CACNA1G: variants seen among roughly 807,000 people sequenced by gnomAD.
CACNA1G encodes the protein calcium voltage-gated channel subunit alpha1 G, also known as voltage-dependent T-type calcium channel subunit alpha-1G.
Under a neutral mutation model 219.4 loss-of-function variants are expected in CACNA1G, and 67 were observed. That is an observed-to-expected ratio of 0.31 (90% CI 0.25 to 0.37). The LOEUF is 0.37. CACNA1G is among the 10% of genes least tolerant of loss of function. CACNA1G has a pLI of 1.00. For missense variants in CACNA1G, 2,380 were observed against 3,231.4 expected, an observed-to-expected ratio of 0.74 and a Z score of 6.39; for synonymous variants, 1,296 against 1,345.3, an observed-to-expected ratio of 0.96 and a Z score of 0.80.
At position 50,621,880 on chromosome 17, in the gene CACNA1G, G is replaced by T; in HGVS notation, c.6060+86G>T. ...TCCAGATCGGCCCAGGGAGGGTCCT[G>T]GGGCCGCCTCCTCTCAGTTTGCTGC... On this transcript the variant is annotated intron_variant, in intron 35 of 37. Coordinates refer to ENST00000359106, the MANE Select transcript of CACNA1G (RefSeq NM_018896.5). The surrounding 1 kb of genome is among the most constrained non-coding windows in gnomAD (Gnocchi z 4.6). The T allele has an allele frequency of 2.1e-6, 3 of 1,454,734 alleles. No homozygotes were observed. The highest frequency in any genetic ancestry group is 2.8e-6 in the Non-Finnish European group (3 of 1,055,946). The allele number at this position is 1,454,734 out of a possible 1,614,324, so 90.1% of individuals were successfully genotyped here.
At chr17:50,580,718 T>C (rs2041771634) in intron 9 of CACNA1G, among the ~76,000 whole-genome samples, 1 of 152,152 alleles carries the variant, frequency 6.6e-6, no homozygotes. Context: ...CAGCAGTGTC[T>C]GCTCCAGGGA....
chr17:50,564,083 G>C (rs570310993), intron 1 of CACNA1G, among the ~76,000 whole-genome samples: 1 of 151,674 alleles, frequency 6.6e-6, no homozygotes, highest in African/African-American at 2.4e-5. Flanking sequence ...TCCTTTTTAA[G>C]GGACCAGGTT....
At chr17:50,575,179 G>A (rs198548) in intron 7 of CACNA1G, among the ~76,000 whole-genome samples, 6,877 of 152,282 alleles carry the variant, frequency 0.045, 244 homozygotes, top group Non-Finnish European at 0.062. Flanking sequence ...TGCGGAAGGG[G>A]TGCTGCGTCT....
intron 7 of CACNA1G, among the ~76,000 whole-genome samples, chr17:50,574,912 C>A (rs758359397): frequency 1.3e-5 from 2 of 152,040 alleles, no homozygotes; most frequent in African/African-American, 2.4e-5. Context: ...AAGGGTTCAG[C>A]CCCTCCCACA....
chr17:50,564,154 G>A (rs1218266140), intron 1 of CACNA1G, among the ~76,000 whole-genome samples: 24 of 151,658 alleles, frequency 1.6e-4, no homozygotes, highest in Admixed American at 1.6e-3. Flanking sequence ...GTGTGTGTGT[G>A]TGTGTGTGTT....
At chr17:50,619,961 T>TG in intron 34 of CACNA1G, 135 bp downstream of exon 34, 1 of 896,976 alleles carries the variant, frequency 1.1e-6, no homozygotes, top group Non-Finnish European at 1.6e-6. Flanking sequence ...GAGCCTCAGT[T>TG]GAGTGCAAGA....
chr17:50,562,666 G>T (rs1434634634), intron 1 of CACNA1G, among the ~76,000 whole-genome samples: 1 of 152,170 alleles, frequency 6.6e-6, no homozygotes, highest in Non-Finnish European at 1.5e-5. Context: ...GACCAGGTAT[G>T]GGGGACTGCA....
In CACNA1G at chr17:50,561,274, C is replaced by T. The variant is rs1418270754; in HGVS notation, c.-186C>T. 1 of 625,704 alleles carries T rather than the reference C, an allele frequency of 1.6e-6. No homozygotes were observed. The highest frequency in any genetic ancestry group is 2.2e-5 in the South Asian group (1 of 46,426). 38.8% of individuals were successfully genotyped at this position (625,704 alleles called of 1,614,324 possible). A position where few individuals can be genotyped will look rare whatever the true frequency, so the allele number is the denominator to read the frequency against. On this transcript the variant is annotated 5_prime_UTR_variant, in exon 1 of 38. Coordinates refer to ENST00000359106, the MANE Select transcript of CACNA1G (RefSeq NM_018896.5). ...CGGGGTTTCCCTGCGCCCCGGCGCC[C>T]CGCGGGCAGCATGCCCCTGCGGGCA...
intron 34 of CACNA1G, 43 bp downstream of exon 34, chr17:50,619,869 G>C (rs546604301): frequency 1.9e-6 from 3 of 1,553,354 alleles, no homozygotes; most frequent in Non-Finnish European, 2.6e-6. Context: ...TGACCGTGCT[G>C]GGCTGTGCCA....
At chr17:50,614,427 C>A (rs569776706) in intron 26 of CACNA1G, among the ~76,000 whole-genome samples, 2 of 152,206 alleles carry the variant, frequency 1.3e-5, no homozygotes, top group African/African-American at 4.8e-5. Context: ...AATCTGTCAA[C>A]TTCCTCCCAA....
At chr17:50,591,022 AGCAACTTGCTTTAGGG>A (rs1438422558) in intron 10 of CACNA1G, among the ~76,000 whole-genome samples, 2 of 152,130 alleles carry the variant, frequency 1.3e-5, no homozygotes, top group Admixed American at 6.5e-5. Context: ...CTCAGACACC[AGCAACTTGCTTTAGGG>A]TTTCCAAGAC....
chr17:50,580,237 G>A (rs2041654070), intron 9 of CACNA1G, among the ~76,000 whole-genome samples: 1 of 152,192 alleles, frequency 6.6e-6, no homozygotes, highest in South Asian at 2.1e-4. Flanking sequence ...CCCAGGGAGA[G>A]GTGCTCCACT....
At chr17:50,597,317 T>G (rs1311493864) in intron 16 of CACNA1G, among the ~76,000 whole-genome samples, 1 of 152,172 alleles carries the variant, frequency 6.6e-6, no homozygotes, top group Admixed American at 6.5e-5. Flanking sequence ...CGAAGCATTC[T>G]AAATGCATTT....
rs1209851710 is a variant in CACNA1G at position 50,627,383 on chromosome 17, A to G, written c.*632A>G. On this transcript the variant is annotated 3_prime_UTR_variant, in exon 38 of 38. Coordinates refer to ENST00000359106, the MANE Select transcript of CACNA1G (RefSeq NM_018896.5). ...AGAAAAAGAAAAAATGAGATTTTAC[A>G]AGTGAAATGGAACCTTTTTATATAT... 2 of 386,892 alleles carry G rather than the reference A, an allele frequency of 5.2e-6. No homozygotes were observed. The highest frequency in any genetic ancestry group is 1.0e-5 in the Non-Finnish European group (2 of 200,628). The allele number at this position is 386,892 out of a possible 1,614,324, so 24.0% of individuals were successfully genotyped here.
At chr17:50,573,564 CTGTTTTTT>C (rs1567981817) in intron 7 of CACNA1G, 1 of 154,960 alleles carries the variant, frequency 6.5e-6, no homozygotes, top group Non-Finnish European at 1.4e-5. Context: ...TTACAGAGTT[CTGTTTTTT>C]TGTAAGGACA....
intron 16 of CACNA1G, among the ~76,000 whole-genome samples, 192 bp from the exon 17 acceptor site, chr17:50,599,236 A>C (rs928062279): frequency 9.2e-5 from 14 of 152,240 alleles, no homozygotes; most frequent in Non-Finnish European, 1.6e-4. Context: ...AGAGAGGCTT[A>C]ATAACTTGCC....
Position 50,561,535 on chromosome 17 carries a change from T to TCGGGGGC in CACNA1G, c.87_93dup (p.Pro32GlyfsTer51), listed in dbSNP as rs1484213121. ...GAGCTTCATGCGGCTCAACGACCTG[T>TCGGGGGC]CGGGGGCCGGGGGCCGGCCGGGGCC... On this transcript the variant is annotated frameshift_variant, in exon 1 of 38. Coordinates refer to ENST00000359106, the MANE Select transcript of CACNA1G (RefSeq NM_018896.5). LOFTEE classifies it high-confidence loss of function. The TCGGGGGC allele has an allele frequency of 1.3e-6, 2 of 1,537,796 alleles. No homozygotes were observed. The highest frequency in any genetic ancestry group is 1.7e-6 in the Non-Finnish European group (2 of 1,146,370).
chr17:50,608,143 C>T, intron 25 of CACNA1G, 124 bp downstream of exon 25: 1 of 811,226 alleles, frequency 1.2e-6, no homozygotes. Flanking sequence ...AGGCTCCCAC[C>T]CCCCTCCTCA....
At chr17:50,588,673 T>G (rs2043514847) in intron 9 of CACNA1G, among the ~76,000 whole-genome samples, 1 of 152,064 alleles carries the variant, frequency 6.6e-6, no homozygotes, top group African/African-American at 2.4e-5. Flanking sequence ...TTACTTGAGA[T>G]CTGCTGGAGC....
Sources: allele counts gnomAD v4.1 joint callset (sites outside exome capture counted in the v4.1 genomes callset), GRCh38; gene constraint gnomAD v4.1.1; non-coding constraint Gnocchi (gnomAD v3.1); transcripts MANE v1.5; gene names NCBI Gene and HGNC (gene_info 2026-07-23, HGNC 2026-07-21).